DNAJC6: variants seen among roughly 807,000 people sequenced by gnomAD.
DNAJC6 encodes auxilin.
In DNAJC6, 34 loss-of-function variants were observed where a neutral mutation model predicts 110.0. The observed-to-expected ratio is 0.31, with a 90% CI of 0.24 to 0.41. The LOEUF is 0.41. DNAJC6 is among the 10% of genes least tolerant of loss of function. The pLI is 1.00. For synonymous variants in DNAJC6, 406 were observed against 437.2 expected (o/e 0.93, Z 0.89); for missense variants, 1,031 against 1,207.8 (o/e 0.85, Z 2.17).
intron 1 of DNAJC6, among the ~76,000 whole-genome samples, chr1:65,301,348 A>G (rs1168273877): frequency 1.3e-5 from 2 of 152,116 alleles, no homozygotes; most frequent in South Asian, 2.1e-4. Flanking sequence ...CAAACAATCA[A>G]TTCTGCAGTG....
chr1:65,332,372 A>G (rs1645296853), intron 1 of DNAJC6, among the ~76,000 whole-genome samples: 1 of 152,212 alleles, frequency 6.6e-6, no homozygotes, highest in South Asian at 2.1e-4. Context: ...CAATTATGCA[A>G]AGAGCCAGGT....
intron 1 of DNAJC6, among the ~76,000 whole-genome samples, chr1:65,296,818 C>T (rs1007790104): frequency 2.0e-5 from 3 of 152,040 alleles, no homozygotes; most frequent in Non-Finnish European, 4.4e-5. Context: ...GAACTCCTGA[C>T]CTCGTGATCC....
chr1:65,340,802 T>C (rs1645382062), intron 1 of DNAJC6, among the ~76,000 whole-genome samples: 1 of 152,168 alleles, frequency 6.6e-6, no homozygotes, highest in Non-Finnish European at 1.5e-5. Context: ...CAGTGTGGCA[T>C]AGGGCTGTGG....
Position 65,309,670 on chromosome 1 carries a change from T to C in DNAJC6, c.-76T>C. The C allele has an allele frequency of 2.0e-6, 3 of 1,481,026 alleles. No homozygotes were observed. The highest frequency in any genetic ancestry group is 1.8e-6 in the Non-Finnish European group (2 of 1,119,762). 91.7% of individuals were successfully genotyped at this position (1,481,026 alleles called of 1,614,324 possible). On this transcript the variant is annotated 5_prime_UTR_variant, in exon 1 of 19. Transcript: ENST00000371069. ...TAATTTTTTTTTTTTTTTAATTCCT[T>C]CTTCAGCCCTTTCCACCTTCCATCT...
chr1:65,295,533 A>G (rs1644921021), intron 1 of DNAJC6, among the ~76,000 whole-genome samples: 1 of 152,198 alleles, frequency 6.6e-6, no homozygotes, highest in Admixed American at 6.5e-5. Flanking sequence ...AGAAAAAGGG[A>G]CCATTCTTCT....
At chr1:65,396,730 C>G (rs1443581328) in intron 13 of DNAJC6, among the ~76,000 whole-genome samples, 1 of 152,178 alleles carries the variant, frequency 6.6e-6, no homozygotes, top group African/African-American at 2.4e-5. Flanking sequence ...TCATCTCTCT[C>G]TCTCTATTAG....
At chr1:65,301,557 A>G (rs1013653263) in intron 1 of DNAJC6, among the ~76,000 whole-genome samples, 5 of 152,128 alleles carry the variant, frequency 3.3e-5, no homozygotes, top group African/African-American at 1.2e-4. Context: ...GGGTTGATTA[A>G]TTTGCTGGAG....
intron 8 of DNAJC6, among the ~76,000 whole-genome samples, 162 bp downstream of exon 8, chr1:65,387,091 G>C: frequency 6.6e-6 from 1 of 152,166 alleles, no homozygotes; most frequent in East Asian, 1.9e-4. Flanking sequence ...TCTTACAGGG[G>C]AGGAACTGAG....
chr1:65,382,274 T>C (rs1169348992), intron 5 of DNAJC6, among the ~76,000 whole-genome samples: 1 of 151,516 alleles, frequency 6.6e-6, no homozygotes, highest in Non-Finnish European at 1.5e-5. Flanking sequence ...TATTTCTTAG[T>C]TTTTTCTAGT....
intron 1 of DNAJC6, among the ~76,000 whole-genome samples, chr1:65,356,887 C>T (rs1340768188): frequency 6.6e-6 from 1 of 152,156 alleles, no homozygotes; most frequent in Non-Finnish European, 1.5e-5. Context: ...CTCAAAGCTT[C>T]CCTGGAGTGA....
chr1:65,290,787 A>G (rs1366001992), intron 1 of DNAJC6, among the ~76,000 whole-genome samples: 2 of 152,238 alleles, frequency 1.3e-5, no homozygotes, highest in Non-Finnish European at 2.9e-5. Flanking sequence ...ATTATTAAAA[A>G]GTCAGCTATT....
intron 1 of DNAJC6, among the ~76,000 whole-genome samples, chr1:65,324,911 C>T (rs563882255): frequency 7.9e-5 from 12 of 152,208 alleles, no homozygotes; most frequent in East Asian, 5.8e-4. Flanking sequence ...TCAATAGTGC[C>T]GAGGTAGGGA....
chr1:65,409,318 G>A (rs777320924), intron 17 of DNAJC6, among the ~76,000 whole-genome samples: 2 of 152,188 alleles, frequency 1.3e-5, no homozygotes, highest in Non-Finnish European at 2.9e-5. Flanking sequence ...GCTGTGATTT[G>A]AGTACAGCTG....
chr1:65,378,990 C>T (rs2101587470), intron 4 of DNAJC6, among the ~76,000 whole-genome samples: 1 of 152,266 alleles, frequency 6.6e-6, no homozygotes, highest in South Asian at 2.1e-4. Context: ...CTCTATAGCA[C>T]TTTTCATGTT....
chr1:65,363,733 C>T lies in DNAJC6; in HGVS notation c.194-902C>T, dbSNP rs192502165. On this transcript the variant is annotated intron_variant, in intron 1 of 18. Coordinates refer to ENST00000371069, the MANE Select transcript of DNAJC6 (RefSeq NM_001256864.2). The stretch of plus-strand genomic sequence containing the variant: ...ACACCTTGCAGTGCACAGGGACAAC[C>T]CCCTCAAAACACGCACAATAAAGAA... Among the ~76,000 whole-genome samples, 17 of 152,178 alleles carry T rather than the reference C, an allele frequency of 1.1e-4. 1 individual carries two copies. The East Asian group carries it at 2.3e-3, about 21-fold the overall frequency.
intron 1 of DNAJC6, among the ~76,000 whole-genome samples, chr1:65,313,299 G>A (rs1536171): frequency 0.45 from 67,172 of 150,908 alleles, 15,987 homozygotes; most frequent in Non-Finnish European, 0.56. Context: ...GGGCTCAAGC[G>A]ATCTGACCAC....
intron 1 of DNAJC6, among the ~76,000 whole-genome samples, chr1:65,304,238 T>C (rs1199711175): frequency 1.3e-5 from 2 of 151,938 alleles, no homozygotes; most frequent in African/African-American, 4.8e-5. Context: ...TCCTATTTTC[T>C]GGAAGACCCA....
intron 1 of DNAJC6, among the ~76,000 whole-genome samples, chr1:65,301,459 C>T (rs1457510090): frequency 6.6e-6 from 1 of 152,182 alleles, no homozygotes; most frequent in Non-Finnish European, 1.5e-5. Context: ...AACCTACCAC[C>T]TCCACTTTCA....
chr1:65,349,885 A>G (rs1411182837), intron 1 of DNAJC6, among the ~76,000 whole-genome samples: 1 of 152,084 alleles, frequency 6.6e-6, no homozygotes, highest in Admixed American at 6.6e-5. Flanking sequence ...ACGTTTGGCA[A>G]TGTTTGGAGG....
Sources: gnomAD v4.1 joint callset for allele counts (sites outside exome capture counted in the v4.1 genomes callset) on GRCh38, gnomAD v4.1.1 for gene constraint, MANE v1.5 for transcripts, NCBI Gene and HGNC (gene_info 2026-07-23, HGNC 2026-07-21) for gene names.